Variants in PVT1 observed in about 807,000 individuals in gnomAD.
The protein encoded by PVT1 is CXCR4/PVT1 fusion.
chr8:128,002,968 T>TTCCTTCCTTCCTTC (rs1554603603), intron 4 of PVT1, among the ~76,000 whole-genome samples: 2 of 84,602 alleles, frequency 2.4e-5, no homozygotes, highest in African/African-American at 9.4e-5. Flanking sequence ...CCTCCCTCCC[T>TTCCTTCCTTCCTTC]CTTCCTTCCT....
In PVT1 at chr8:128,001,044, T is replaced by C. The variant is rs141443745; in HGVS notation, n.912+11753T>C. 9.8e-5 allele frequency among the ~76,000 whole-genome samples: 15 copies of C among 152,342 alleles called. No individual in the cohort carries two copies. The East Asian group carries it at 2.9e-3, about 29-fold the overall frequency. On this transcript the variant is annotated intron_variant and non_coding_transcript_variant, in intron 4 of 10. Transcript: ENST00000651587. ...AGGTGTATTTCTGTATTTCCTACCT[T>C]TGCATCCTTTGCTCAGTTCAACTTG...
intron 4 of PVT1, among the ~76,000 whole-genome samples, chr8:128,011,665 G>A (rs150278887): frequency 5.9e-5 from 9 of 152,314 alleles, no homozygotes; most frequent in African/African-American, 2.2e-4. Context: ...GGAAACTAGG[G>A]CCGTCTTAGC....
chr8:127,885,200 G>A lies in PVT1; in HGVS notation n.373-5389G>A, dbSNP rs984088485. On this transcript the variant is annotated intron_variant and non_coding_transcript_variant, in intron 2 of 10. Transcript: ENST00000651587. ...TGTAGGAGCCGAGGAGTGAGTGTGT[G>A]CAGTCCTGGAGTCACTGCTGTGGGG... 2.6e-5 allele frequency among the ~76,000 whole-genome samples: 4 copies of A among 152,234 alleles called. 1 individual carries two copies. Among genetic ancestry groups the A allele is most frequent in the Admixed American group, 6.5e-5 (1 of 15,294 alleles).
intron 2 of PVT1, among the ~76,000 whole-genome samples, chr8:127,890,014 G>C (rs1373808062): frequency 2.0e-5 from 3 of 152,160 alleles, no homozygotes. Flanking sequence ...GAGAGTGCTG[G>C]GTACCTAGCA....
At chr8:127,949,537 C>A (rs930986250) in intron 3 of PVT1, among the ~76,000 whole-genome samples, 1 of 151,850 alleles carries the variant, frequency 6.6e-6, no homozygotes, top group Non-Finnish European at 1.5e-5. Context: ...CATCCTCTCC[C>A]TATTCAGCCA....
Position 127,832,658 on chromosome 8 carries a change from A to G in PVT1, n.372+36587A>G, listed in dbSNP as rs539480977. On this transcript the variant is annotated intron_variant and non_coding_transcript_variant, in intron 2 of 10. Transcript: ENST00000651587. ...CGGATCACGAGGTCAGGAGATAGAG[A>G]CCATCCTGGCTAACATGGTGAAACC... Among the ~76,000 whole-genome samples the G allele has an allele frequency of 2.9e-4, 44 of 152,278 alleles. 1 individual carries two copies. The South Asian group carries it at 4.6e-3, about 16-fold the overall frequency.
intron 4 of PVT1, among the ~76,000 whole-genome samples, chr8:127,994,169 C>T (rs1817077216): frequency 6.6e-6 from 1 of 152,220 alleles, no homozygotes; most frequent in Non-Finnish European, 1.5e-5. Context: ...TTGTCCTCTG[C>T]CCACTCCTAG....
At chr8:127,881,460 TA>T (rs1563629322) in intron 2 of PVT1, among the ~76,000 whole-genome samples, 3,117 of 147,650 alleles carry the variant, frequency 0.021, 62 homozygotes, top group African/African-American at 0.046. Flanking sequence ...TTATTATTAT[TA>T]TTATTTCAGA....
chr8:127,821,611 C>G (rs1211587475), intron 2 of PVT1, among the ~76,000 whole-genome samples: 1 of 151,878 alleles, frequency 6.6e-6, no homozygotes, highest in African/African-American at 2.4e-5. Flanking sequence ...AAGATCGAGA[C>G]CATCCTGGCT....
chr8:127,798,704 C>CA (rs71300266), intron 2 of PVT1, among the ~76,000 whole-genome samples: 9,628 of 110,312 alleles, frequency 0.087, 521 homozygotes, highest in African/African-American at 0.2. Context: ...ACTAAAAATA[C>CA]AAAAAAAAAA....
intron 4 of PVT1, among the ~76,000 whole-genome samples, chr8:128,034,062 C>CT (rs79313778): frequency 0.047 from 6,614 of 140,768 alleles, 406 homozygotes; most frequent in African/African-American, 0.14. Flanking sequence ...ACTTCTGCAC[C>CT]TTTTTTTTTT....
At chr8:127,811,549 G>T (rs1237717965) in intron 2 of PVT1, among the ~76,000 whole-genome samples, 3 of 152,056 alleles carry the variant, frequency 2.0e-5, no homozygotes, top group Admixed American at 1.3e-4. Context: ...CTGCTCACAG[G>T]GTGTTAACAT....
intron 6 of PVT1, among the ~76,000 whole-genome samples, chr8:128,098,486 C>T (rs368807479): frequency 1.8e-4 from 27 of 152,200 alleles, no homozygotes; most frequent in African/African-American, 6.0e-4. Context: ...CCTCACCATC[C>T]GGTTGCGGCC....
At chr8:127,876,988 C>T (rs1000284864) in intron 2 of PVT1, among the ~76,000 whole-genome samples, 3 of 152,190 alleles carry the variant, frequency 2.0e-5, no homozygotes, top group African/African-American at 4.8e-5. Context: ...GTGACCTCCC[C>T]GGAAGCCCAG....
intron 3 of PVT1, among the ~76,000 whole-genome samples, chr8:127,914,205 A>C (rs1027984002): frequency 4.8e-5 from 7 of 145,346 alleles, no homozygotes; most frequent in African/African-American, 1.8e-4. Flanking sequence ...AAACCATGAG[A>C]TACCCCTTCA....
chr8:128,079,016 T>C (rs1814135636), intron 5 of PVT1, among the ~76,000 whole-genome samples: 1 of 151,492 alleles, frequency 6.6e-6, no homozygotes, highest in Non-Finnish European at 1.5e-5. Flanking sequence ...TTTTTTTTTT[T>C]TTTTTACATA....
At chr8:127,991,728 C>T (rs944167410) in intron 4 of PVT1, among the ~76,000 whole-genome samples, 10 of 152,102 alleles carry the variant, frequency 6.6e-5, no homozygotes, top group Non-Finnish European at 1.2e-4. Flanking sequence ...TTCTGAGGCC[C>T]GCAGTCCTGA....
intron 2 of PVT1, among the ~76,000 whole-genome samples, chr8:127,831,967 AT>A (rs1366511004): frequency 1.3e-5 from 2 of 152,202 alleles, no homozygotes. Context: ...CACCATTAGT[AT>A]TTACCTACCC....
At chr8:128,028,970 G>A (rs1236968807) in intron 4 of PVT1, among the ~76,000 whole-genome samples, 1 of 151,474 alleles carries the variant, frequency 6.6e-6, no homozygotes, top group Non-Finnish European at 1.5e-5. Flanking sequence ...AGCCTCCCAA[G>A]TAGTTGGGAC....
Sources: gnomAD v4.1 joint callset for allele counts (sites outside exome capture counted in the v4.1 genomes callset) on GRCh38, gnomAD v4.1.1 for gene constraint, MANE v1.5 for transcripts, NCBI Gene and HGNC (gene_info 2026-07-23, HGNC 2026-07-21) for gene names.